The following CALN1 variants were observed in gnomAD, a reference collection of about 807,000 sequenced individuals.
CALN1 encodes calcium-binding protein 8.
A neutral mutation model predicts 30.6 loss-of-function variants in CALN1; 17 were observed. The ratio of observed to expected loss-of-function variants is 0.56; its 90% confidence interval spans 0.38 to 0.83. The LOEUF is 0.83. CALN1 is among the 40% of genes least tolerant of loss of function. The pLI, the probability that CALN1 is intolerant of heterozygous loss-of-function variation, is 0.00. For synonymous variants in CALN1, 156 were observed against 131.4 expected, an observed-to-expected ratio of 1.19 and a Z score of -1.28; for missense variants, 291 against 354.9, an observed-to-expected ratio of 0.82 and a Z score of 1.45.
chr7:72,210,478 G>C (rs1397216108), intron 3 of CALN1, among the ~76,000 whole-genome samples: 1 of 152,070 alleles, frequency 6.6e-6, no homozygotes, highest in Non-Finnish European at 1.5e-5. Context: ...CCCAAGACTG[G>C]TAATTTATAA....
chr7:71,798,153 GA>G (rs1787069683), intron 6 of CALN1, among the ~76,000 whole-genome samples: 1 of 143,082 alleles, frequency 7.0e-6, no homozygotes, highest in African/African-American at 2.7e-5. Context: ...GAGAGAGAGA[GA>G]GAGAGAGAGA....
intron 5 of CALN1, among the ~76,000 whole-genome samples, chr7:71,812,965 T>TATTA: frequency 6.9e-6 from 1 of 144,510 alleles, no homozygotes; most frequent in African/African-American, 2.5e-5. Context: ...TTATTATTAT[T>TATTA]TGAGATGGAG....
At chr7:72,270,719 G>C (rs1270922155) in intron 3 of CALN1, among the ~76,000 whole-genome samples, 2 of 152,214 alleles carry the variant, frequency 1.3e-5, no homozygotes, top group African/African-American at 2.4e-5. Flanking sequence ...ATGCTACAGT[G>C]AGCCATGTTT....
intron 5 of CALN1, among the ~76,000 whole-genome samples, chr7:72,004,288 C>T (rs566039254): frequency 6.6e-6 from 1 of 152,138 alleles, no homozygotes; most frequent in Non-Finnish European, 1.5e-5. Context: ...GGAGAAAGGA[C>T]AGCCCTTTCA....
At chr7:72,376,126 G>C (rs911939996) in intron 2 of CALN1, among the ~76,000 whole-genome samples, 1 of 151,932 alleles carries the variant, frequency 6.6e-6, no homozygotes, top group Non-Finnish European at 1.5e-5. Flanking sequence ...ATCATCTTCT[G>C]TTTATCCATT....
At chr7:71,897,972 C>CAAAAAAAAAAAAAAAAAAAAAAAAAAAA in intron 5 of CALN1, among the ~76,000 whole-genome samples, 1 of 59,044 alleles carries the variant, frequency 1.7e-5, no homozygotes, top group Non-Finnish European at 2.7e-5. Context: ...AAACAAAAAA[C>CAAAAAAAAAAAAAAAAAAAAAAAAAAAA]AAAAAAAAAA....
At chr7:71,815,505 T>C (rs1788205796) in intron 5 of CALN1, among the ~76,000 whole-genome samples, 1 of 152,154 alleles carries the variant, frequency 6.6e-6, no homozygotes, top group Non-Finnish European at 1.5e-5. Flanking sequence ...GACCTAGGAA[T>C]TCAACCTGAG....
intron 2 of CALN1, among the ~76,000 whole-genome samples, chr7:72,320,935 G>A (rs185693896): frequency 6.6e-6 from 1 of 151,784 alleles, no homozygotes; most frequent in East Asian, 1.9e-4. Context: ...CTAGTCCACA[G>A]CTGTGTGACT....
rs534883618 is a variant in CALN1, at chr7:72,408,675, C to CTTTTTTTTTT, written c.-74+3373_-74+3382dup. ...AATGACCACCAATTATTATCTTTTC[C>CTTTTTTTTTT]TTTTTTTTTTTTTTTTTTTGAGACA... On this transcript the variant is annotated intron_variant, in intron 1 of 6. Coordinates refer to ENST00000395275, the MANE Select transcript of CALN1 (RefSeq NM_031468.4). Among the ~76,000 whole-genome samples, 51 of 77,968 alleles carry CTTTTTTTTTT rather than the reference C, an allele frequency of 6.5e-4. 3 individuals are homozygous for CTTTTTTTTTT. The highest frequency in any genetic ancestry group is 0.014 in the Middle Eastern group (1 of 70). The allele number at this position is 77,968 out of a possible 152,430, so 51.2% of individuals were successfully genotyped here. A position where few individuals can be genotyped will look rare whatever the true frequency, so the allele number is the denominator to read the frequency against.
chr7:72,361,435 G>A lies in CALN1; in HGVS notation c.119+41816C>T, dbSNP rs1352782939. Among the ~76,000 whole-genome samples the A allele has an allele frequency of 3.3e-5, 5 of 152,206 alleles. No homozygotes were observed. The East Asian group carries it at 9.6e-4, about 29-fold the overall frequency. On this transcript the variant is annotated intron_variant, in intron 2 of 6. Transcript: ENST00000395275. Reference sequence around the variant, plus strand: ...GCAGGAGCATCGCTTGAACCCAGGAGTTTGAGGCTACAGTGAGCTATGATG... The same window carrying A: ...GCAGGAGCATCGCTTGAACCCAGGAATTTGAGGCTACAGTGAGCTATGATG...
intron 2 of CALN1, among the ~76,000 whole-genome samples, chr7:72,327,697 T>C (rs1234889679): frequency 6.6e-6 from 1 of 151,938 alleles, no homozygotes; most frequent in Non-Finnish European, 1.5e-5. Flanking sequence ...TCCAATGATG[T>C]TTGGGAAAGC....
chr7:71,836,265 T>C (rs1789594327), intron 5 of CALN1, among the ~76,000 whole-genome samples: 1 of 152,166 alleles, frequency 6.6e-6, no homozygotes, highest in African/African-American at 2.4e-5. Flanking sequence ...GCAACCTCAT[T>C]GTGCAACATT....
intron 2 of CALN1, among the ~76,000 whole-genome samples, chr7:72,380,667 G>GTGGATGGATGGA (rs142371252): frequency 6.6e-6 from 1 of 151,794 alleles, no homozygotes; most frequent in Non-Finnish European, 1.5e-5. Flanking sequence ...CAGTGGGTTG[G>GTGGATGGATGGA]TGGATGGATG....
At chr7:72,230,876 A>G (rs1562771440) in intron 3 of CALN1, among the ~76,000 whole-genome samples, 1 of 152,210 alleles carries the variant, frequency 6.6e-6, no homozygotes, top group Non-Finnish European at 1.5e-5. Context: ...CTGCAGTTTC[A>G]GTTACCTGAG....
At chr7:72,300,570 C>T (rs141322914) in intron 2 of CALN1, among the ~76,000 whole-genome samples, 3 of 152,262 alleles carry the variant, frequency 2.0e-5, no homozygotes, top group African/African-American at 4.8e-5. Flanking sequence ...AACTCTAATA[C>T]GTGTTTCAAC....
intron 4 of CALN1, among the ~76,000 whole-genome samples, chr7:72,026,220 A>G (rs962296374): frequency 1.3e-5 from 2 of 152,160 alleles, no homozygotes; most frequent in Non-Finnish European, 2.9e-5. Context: ...TACTTGTCCC[A>G]GATATAGACA....
At chr7:72,500,258 G>C in the CALN1 span, among the ~76,000 whole-genome samples, 22 of 94,936 alleles carry the variant, frequency 2.3e-4, no homozygotes, top group African/African-American at 8.2e-4. Context: ...ATGAACTTCT[G>C]TTCGTTCCTT....
At chr7:72,400,058 C>T (rs763667670) in intron 2 of CALN1, among the ~76,000 whole-genome samples, 32 of 152,324 alleles carry the variant, frequency 2.1e-4, no homozygotes, top group Middle Eastern at 6.8e-3. Flanking sequence ...CTTGTACAGT[C>T]TGCAGAACCA....
chr7:71,900,325 A>G (rs1458052666), intron 5 of CALN1, among the ~76,000 whole-genome samples: 2 of 152,212 alleles, frequency 1.3e-5, no homozygotes, highest in Non-Finnish European at 2.9e-5. Context: ...GCTATCTATC[A>G]AGAGAAAGAA....
Sources: gnomAD v4.1 joint callset for allele counts (sites outside exome capture counted in the v4.1 genomes callset) on GRCh38, gnomAD v4.1.1 for gene constraint, MANE v1.5 for transcripts, NCBI Gene and HGNC (gene_info 2026-07-23, HGNC 2026-07-21) for gene names.